Variants in CMC1 observed in about 807,000 individuals in gnomAD.
CMC1 encodes the protein COX assembly mitochondrial protein homolog.
In CMC1, 14 loss-of-function variants were observed where a neutral mutation model predicts 14.1. The ratio of observed to expected loss-of-function variants is 0.99; its 90% CI spans 0.66 to 1.55. The LOEUF (loss-of-function observed/expected upper bound fraction) is 1.55, where lower values mean the gene tolerates loss of function less well. Among genes scored for constraint, CMC1 ranks in the 40% most tolerant of loss-of-function variants. The pLI, the probability that CMC1 is intolerant of heterozygous loss-of-function variation, is 0.00. For synonymous variants in CMC1, 50 were observed against 38.4 expected (o/e 1.30, Z -1.12); for missense variants, 127 against 123.8 (o/e 1.03, Z -0.12).
chr3:28,244,089 A>T (rs1256442978), intron 1 of CMC1, among the ~76,000 whole-genome samples: 1 of 152,238 alleles, frequency 6.6e-6, no homozygotes, highest in East Asian at 1.9e-4. Context: ...GTAGGTAGTC[A>T]CTAAATGCCT....
intron 2 of CMC1, among the ~76,000 whole-genome samples, chr3:28,284,374 C>T (rs1314851707): frequency 6.6e-6 from 1 of 152,160 alleles, no homozygotes; most frequent in East Asian, 1.9e-4. Flanking sequence ...CCTGTACAAT[C>T]GATGTGTATT....
intron 2 of CMC1, among the ~76,000 whole-genome samples, chr3:28,275,341 CTTT>C (rs71087681): frequency 3.0e-5 from 3 of 101,060 alleles, no homozygotes; most frequent in Non-Finnish European, 2.0e-5. Context: ...TTTTTTTTTT[CTTT>C]TTTTTTTTTT....
intron 2 of CMC1, among the ~76,000 whole-genome samples, chr3:28,290,482 GC>G (rs920827751): frequency 5.3e-5 from 8 of 152,102 alleles, no homozygotes; most frequent in African/African-American, 1.9e-4. Flanking sequence ...TCTGAGAGCA[GC>G]CTGATTTTCA....
intron 1 of CMC1, among the ~76,000 whole-genome samples, chr3:28,260,027 T>C (rs942959827): frequency 6.6e-6 from 1 of 152,196 alleles, no homozygotes; most frequent in African/African-American, 2.4e-5. Context: ...TTTTTATGAA[T>C]GCATGTAGAA....
chr3:28,291,452 T>C (rs979420869), intron 2 of CMC1, among the ~76,000 whole-genome samples: 1 of 152,232 alleles, frequency 6.6e-6, no homozygotes, highest in Admixed American at 6.5e-5. Flanking sequence ...ATGCTATTTC[T>C]TTTATGTTTC....
chr3:28,281,345 T>C (rs1008243885), intron 2 of CMC1, among the ~76,000 whole-genome samples: 2 of 152,198 alleles, frequency 1.3e-5, no homozygotes, highest in East Asian at 1.9e-4. Flanking sequence ...GTTGGTAATA[T>C]TGGCAATTTT....
chr3:28,264,105 T>C (rs1314004212), intron 2 of CMC1, among the ~76,000 whole-genome samples: 1 of 152,176 alleles, frequency 6.6e-6, no homozygotes, highest in Non-Finnish European at 1.5e-5. Context: ...GAAATATCTT[T>C]AAAAAATTCT....
chr3:28,251,688 C>A (rs1699133191), intron 1 of CMC1, among the ~76,000 whole-genome samples: 1 of 152,110 alleles, frequency 6.6e-6, no homozygotes, highest in Non-Finnish European at 1.5e-5. Flanking sequence ...ATTCCATTAT[C>A]AAAGTATTAT....
At position 28,265,819 on chromosome 3, in the gene CMC1, C is replaced by G. The variant is rs546380452; in HGVS notation, c.109+2439C>G. Among the ~76,000 whole-genome samples the G allele has an allele frequency of 3.9e-5, 6 of 152,304 alleles. No homozygotes were observed. The East Asian group carries it at 1.2e-3, about 29-fold the overall frequency. On this transcript the variant is annotated intron_variant, in intron 2 of 3. Transcript: ENST00000466830. ...CTTCCTATTAACAAGGAGCATTTAA[C>G]TAAGAGTTTGGCTGTTGGATCTTTG...
Position 28,324,060 on chromosome 3 carries a change from G to C in CMC1, c.*4431G>C, listed in dbSNP as rs1232568726. 1 of 1,608,406 alleles carries C rather than the reference G, an allele frequency of 6.2e-7. No individual in the cohort carries two copies. Among genetic ancestry groups the C allele is most frequent in the Non-Finnish European group, 8.5e-7 (1 of 1,176,254 alleles). On this transcript the variant is annotated 3_prime_UTR_variant, in exon 4 of 4. Transcript: ENST00000466830. ...TTCCAAATTAATTCTTATAAAGGCAGTTCTGATTATGTTGATCCAAGTAAT... is the reference window on the plus strand; with the variant it reads ...TTCCAAATTAATTCTTATAAAGGCACTTCTGATTATGTTGATCCAAGTAAT...
Position 28,319,529 on chromosome 3 carries a change from A to G in CMC1, c.221A>G (p.Tyr74Cys). The change falls in exon 4 of 4, where the codon TAT becomes TGT. Residue 74 changes from tyrosine to cysteine, a missense_variant. Coordinates refer to ENST00000466830, the MANE Select transcript of CMC1 (RefSeq NM_182523.2). ...CATAGCTATAATGATCCAGCCTTTTATGAAGAATGCAAAATGGAATACCTG... is the reference window on the plus strand; with the variant it reads ...CATAGCTATAATGATCCAGCCTTTTGTGAAGAATGCAAAATGGAATACCTG... ...LTAYYNDPAF[Y>C]EECKMEYLKE... The G allele has an allele frequency of 6.2e-7, 1 of 1,603,104 alleles. No individual in the cohort carries two copies. The highest frequency in any genetic ancestry group is 8.5e-7 in the Non-Finnish European group (1 of 1,173,264).
At chr3:28,269,970 G>A (rs1045390988) in intron 2 of CMC1, among the ~76,000 whole-genome samples, 2 of 152,258 alleles carry the variant, frequency 1.3e-5, no homozygotes, top group South Asian at 2.1e-4. Flanking sequence ...TCCCCTCCCC[G>A]TGTCCATGCT....
Position 28,322,983 on chromosome 3 carries a change from T to C in CMC1, c.*3354T>C, listed in dbSNP as rs551684294. 4 of 150,802 alleles carry C rather than the reference T, an allele frequency of 2.7e-5. No homozygotes were observed. Among genetic ancestry groups the C allele is most frequent in the African/African-American group, 9.7e-5 (4 of 41,410 alleles). The allele number at this position is 150,802 out of a possible 1,614,324, so 9.3% of individuals were successfully genotyped here. A position where few individuals can be genotyped will look rare whatever the true frequency, so the allele number is the denominator to read the frequency against. On this transcript the variant is annotated 3_prime_UTR_variant, in exon 4 of 4. Coordinates refer to ENST00000466830, the MANE Select transcript of CMC1 (RefSeq NM_182523.2). Reference sequence around the variant, plus strand: ...AAATTTCCATGTGAAGCCATCTTTATTTCCTTCTTTATTTCCAAATAATTG... The same window carrying C: ...AAATTTCCATGTGAAGCCATCTTTACTTCCTTCTTTATTTCCAAATAATTG...
At chr3:28,312,624 T>C (rs1702694500) in intron 2 of CMC1, among the ~76,000 whole-genome samples, 1 of 152,170 alleles carries the variant, frequency 6.6e-6, no homozygotes, top group South Asian at 2.1e-4. Context: ...TTAAATAAGT[T>C]AAAAAATAAA....
At position 28,321,734 on chromosome 3, in the gene CMC1, A is replaced by C. The variant is rs928070854; in HGVS notation, c.*2105A>C. The C allele has an allele frequency of 1.3e-5, 2 of 151,260 alleles. No homozygotes were observed. The highest frequency in any genetic ancestry group is 4.8e-5 in the African/African-American group (2 of 41,330). The allele number at this position is 151,260 out of a possible 1,614,324, so 9.4% of individuals were successfully genotyped here. A position where few individuals can be genotyped will look rare whatever the true frequency, so the allele number is the denominator to read the frequency against. ...TTTTCCCATTTATTTTGGTTTTCTA[A>C]TGTTTCACATAGGCATGTTCCTGCT... On this transcript the variant is annotated 3_prime_UTR_variant, in exon 4 of 4. Coordinates refer to ENST00000466830, the MANE Select transcript of CMC1 (RefSeq NM_182523.2).
In CMC1 at chr3:28,263,493, C is replaced by G. The variant is rs922360366; in HGVS notation, c.109+113C>G. The G allele has an allele frequency of 2.1e-5, 13 of 614,330 alleles. No individual in the cohort carries two copies. The South Asian group carries it at 3.3e-4, about 16-fold the overall frequency. The allele number at this position is 614,330 out of a possible 1,614,324, so 38.1% of individuals were successfully genotyped here. A position where few individuals can be genotyped will look rare whatever the true frequency, so the allele number is the denominator to read the frequency against. ...ATGAATTAATATGTATGAATTGCTT[C>G]TCACCCTTTCGCTGAAATACCAGTA... On this transcript the variant is annotated intron_variant, in intron 2 of 3. Transcript: ENST00000466830.
chr3:28,283,384 T>C (rs1005343484), intron 2 of CMC1, among the ~76,000 whole-genome samples: 1 of 151,730 alleles, frequency 6.6e-6, no homozygotes, highest in Non-Finnish European at 1.5e-5. Context: ...CCAGGTGTCA[T>C]GGCGCATGCC....
intron 1 of CMC1, among the ~76,000 whole-genome samples, chr3:28,252,332 C>T (rs1278124872): frequency 6.6e-6 from 1 of 152,040 alleles, no homozygotes; most frequent in Non-Finnish European, 1.5e-5. Context: ...TGTTACTTGA[C>T]CCAGAAGCTA....
intron 1 of CMC1, among the ~76,000 whole-genome samples, chr3:28,242,648 T>C (rs528362339): frequency 1.3e-5 from 2 of 152,336 alleles, no homozygotes; most frequent in South Asian, 4.1e-4. Context: ...GTGTTCTCTA[T>C]TATCCAACAA....
Sources: gnomAD v4.1 joint callset for allele counts (sites outside exome capture counted in the v4.1 genomes callset) on GRCh38, gnomAD v4.1.1 for gene constraint, MANE v1.5 for transcripts, NCBI Gene and HGNC (gene_info 2026-07-23, HGNC 2026-07-21) for gene names.